Variants in CEACAM6 observed in about 807,000 individuals in gnomAD.
The protein encoded by CEACAM6 is cell adhesion molecule CEACAM6.
Under a neutral mutation model 32.4 loss-of-function variants are expected in CEACAM6, and 21 were observed. The observed-to-expected ratio is 0.65, with a 90% confidence interval of 0.46 to 0.93. The LOEUF is 0.93. CEACAM6 is among the 40% of genes least tolerant of loss of function. The pLI is 0.00. For missense variants in CEACAM6, 406 were observed against 432.2 expected (o/e 0.94, Z 0.54); for synonymous variants, 184 against 174.4 (o/e 1.06, Z -0.43).
At chr19:41,760,687 C>G (rs559412511) in intron 2 of CEACAM6, among the ~76,000 whole-genome samples, 1 of 152,168 alleles carries the variant, frequency 6.6e-6, no homozygotes, top group African/African-American at 2.4e-5. Context: ...GCCTGATGAC[C>G]GAACTGACCT....
At chr19:41,760,549 AG>A (rs1411636195) in intron 2 of CEACAM6, among the ~76,000 whole-genome samples, 1 of 152,212 alleles carries the variant, frequency 6.6e-6, no homozygotes, top group African/African-American at 2.4e-5. Context: ...AAATTCAGGC[AG>A]CTCCTGCCTG....
intron 3 of CEACAM6, 71 bp from the exon 4 acceptor site, chr19:41,761,898 C>T: frequency 6.4e-7 from 1 of 1,568,104 alleles, no homozygotes; most frequent in South Asian, 1.2e-5. Context: ...GACACCGTGG[C>T]CCTTCCACAG....
rs112209266 is a variant in CEACAM6 at position 41,760,084 on chromosome 19, A to T, written c.425-1165A>T. ...CGTAAGTGATACTCAATCCGTATGA[A>T]CTATAGGTACCAAGCTGTACAGCAA... On this transcript the variant is annotated intron_variant, in intron 2 of 5. Transcript: ENST00000199764. Among the ~76,000 whole-genome samples, 6 of 152,302 alleles carry T rather than the reference A, an allele frequency of 3.9e-5. 1 individual carries two copies. The highest frequency in any genetic ancestry group is 1.9e-4 in the East Asian group (1 of 5,176).
chr19:41,755,926 C>A (rs1555820957), intron 1 of CEACAM6, among the ~76,000 whole-genome samples: 1 of 152,088 alleles, frequency 6.6e-6, no homozygotes, highest in Admixed American at 6.6e-5. Flanking sequence ...AGTTAATCAT[C>A]ATTTGTCATT....
intron 3 of CEACAM6, 142 bp from the exon 4 acceptor site, chr19:41,761,827 T>A: frequency 9.0e-7 from 1 of 1,112,268 alleles, no homozygotes. Context: ...TCTCAGACTT[T>A]GGCTCAGGGG....
In CEACAM6 at chr19:41,766,178, A is replaced by T; in HGVS notation, c.959-5A>T. Reference sequence around the variant, plus strand: ...CCTTCATTCCTTCTCTCTTCTTCCCACAAGGAAGTGCTCCTGTCCTCTCAG... The same window carrying T: ...CCTTCATTCCTTCTCTCTTCTTCCCTCAAGGAAGTGCTCCTGTCCTCTCAG... On this transcript the variant is annotated splice_polypyrimidine_tract_variant and splice_region_variant and intron_variant, in intron 4 of 5. Transcript: ENST00000199764. The T allele has an allele frequency of 6.3e-7, 1 of 1,598,218 alleles. No homozygotes were observed. The highest frequency in any genetic ancestry group is 8.5e-7 in the Non-Finnish European group (1 of 1,172,726).
At chr19:41,759,939 T>A (rs970716481) in intron 2 of CEACAM6, among the ~76,000 whole-genome samples, 40 of 152,334 alleles carry the variant, frequency 2.6e-4, no homozygotes, top group African/African-American at 9.6e-4. Flanking sequence ...AAATGCTCAC[T>A]GGAGCATTTT....
At chr19:41,756,230 G>C (rs1317904894) in intron 1 of CEACAM6, among the ~76,000 whole-genome samples, 1 of 152,106 alleles carries the variant, frequency 6.6e-6, no homozygotes, top group Non-Finnish European at 1.5e-5. Flanking sequence ...CAAGAGCCCT[G>C]GAAGGAACAG....
rs2072998149 is a variant in CEACAM6 at position 41,772,139 on chromosome 19, T to C, written c.*1378T>C. 6.6e-6 allele frequency: 1 copy of C among 152,234 alleles called. No homozygotes were observed. The highest frequency in any genetic ancestry group is 2.4e-5 in the African/African-American group (1 of 41,464). 9.4% of individuals were successfully genotyped at this position (152,234 alleles called of 1,614,324 possible). A position where few individuals can be genotyped will look rare whatever the true frequency, so the allele number is the denominator to read the frequency against. ...GTATTGTATTGCCCAGGGGGAGCTA[T>C]CACTGTACTTGTAGAGTGGTGCTGC... On this transcript the variant is annotated 3_prime_UTR_variant, in exon 6 of 6. Coordinates refer to ENST00000199764, the MANE Select transcript of CEACAM6 (RefSeq NM_002483.7).
intron 4 of CEACAM6, among the ~76,000 whole-genome samples, chr19:41,762,788 G>A (rs1276871695): frequency 6.6e-6 from 1 of 152,174 alleles, no homozygotes; most frequent in Non-Finnish European, 1.5e-5. Context: ...CAGGGCATAT[G>A]GAGAAGGTGC....
chr19:41,760,312 A>G lies in CEACAM6; in HGVS notation c.425-937A>G, dbSNP rs61504717. 7.0e-3 allele frequency among the ~76,000 whole-genome samples: 1,070 copies of G among 152,308 alleles called. 7 individuals carry two copies. Among genetic ancestry groups the G allele is most frequent in the African/African-American group, 0.024 (994 of 41,564 alleles). ...ATTTAGCATAATGTCCAATGGGAGA[A>G]AATATTTGCAAAACTTCTCCTCAAA... On this transcript the variant is annotated intron_variant, in intron 2 of 5. Coordinates refer to ENST00000199764, the MANE Select transcript of CEACAM6 (RefSeq NM_002483.7).
intron 3 of CEACAM6, 147 bp from the exon 4 acceptor site, chr19:41,761,822 G>A: frequency 9.2e-7 from 1 of 1,089,822 alleles, no homozygotes; most frequent in African/African-American, 1.6e-5. Context: ...GAATGTCTCA[G>A]ACTTTGGCTC....
intron 5 of CEACAM6, among the ~76,000 whole-genome samples, chr19:41,769,133 C>T (rs1448919613): frequency 6.6e-6 from 1 of 151,894 alleles, no homozygotes; most frequent in Non-Finnish European, 1.5e-5. Context: ...TTAGTAGAGA[C>T]GGGGTTTCTC....
chr19:41,756,630 C>T lies in CEACAM6; in HGVS notation c.95C>T (p.Thr32Ile), dbSNP rs138171161. The change falls in exon 2 of 6, where the codon ACC becomes ATC. Residue 32 changes from threonine to isoleucine, a missense_variant. By Grantham distance (89) the Thr-to-Ile change is moderately conservative (BLOSUM62 -1). Coordinates refer to ENST00000199764, the MANE Select transcript of CEACAM6 (RefSeq NM_002483.7). ...ASLLTFWNPPTTAKLTIESTP... is the reference protein window; with the variant it reads ...ASLLTFWNPPITAKLTIESTP... ...CTTCTAACCTTCTGGAACCCACCCA[C>T]CACTGCCAAGCTCACTATTGAATCC... 354 of 1,613,958 alleles carry T rather than the reference C, an allele frequency of 2.2e-4. No individual in the cohort carries two copies. The highest frequency in any genetic ancestry group is 2.9e-4 in the Non-Finnish European group (348 of 1,179,990).
intron 4 of CEACAM6, among the ~76,000 whole-genome samples, chr19:41,762,853 T>TC (rs1555822062): frequency 2.0e-5 from 3 of 152,220 alleles, no homozygotes; most frequent in African/African-American, 7.2e-5. Flanking sequence ...CACCAAAGCC[T>TC]CCCCTGGATC....
At chr19:41,769,247 G>A (rs149879277) in intron 5 of CEACAM6, among the ~76,000 whole-genome samples, 4 of 152,154 alleles carry the variant, frequency 2.6e-5, no homozygotes, top group South Asian at 4.2e-4. Flanking sequence ...GCCCAGCCCC[G>A]ACAATTATTT....
chr19:41,756,519 C>T lies in CEACAM6; in HGVS notation c.65-81C>T, dbSNP rs1600494027. Reference sequence around the variant, plus strand: ...GCTCCAACGTGGAGGGGTGAAGAGACCTGCTCAGGACCCAGGGCCCTGTTT... The same window carrying T: ...GCTCCAACGTGGAGGGGTGAAGAGATCTGCTCAGGACCCAGGGCCCTGTTT... On this transcript the variant is annotated intron_variant, in intron 1 of 5. Coordinates refer to ENST00000199764, the MANE Select transcript of CEACAM6 (RefSeq NM_002483.7). 1.2e-5 allele frequency: 18 copies of T among 1,541,196 alleles called. No homozygotes were observed. In the East Asian group the frequency reaches 3.8e-4, roughly 33 times the overall value.
chr19:41,756,863 C>A lies in CEACAM6; in HGVS notation c.328C>A (p.Gln110Lys). The A allele has an allele frequency of 1.2e-6, 2 of 1,614,174 alleles. No homozygotes were observed. Among genetic ancestry groups the A allele is most frequent in the Non-Finnish European group, 1.7e-6 (2 of 1,180,026 alleles). Residue 110 changes from glutamine to lysine, a missense_variant, in exon 2 of 6, where the codon CAG becomes AAG. Transcript: ENST00000199764. ...ATACCCCAATGCATCCCTGCTGATC[C>A]AGAACGTCACCCAGAATGACACAGG... ...TIYPNASLLI[Q>K]NVTQNDTGFY...
At chr19:41,759,277 C>T (rs2072908573) in intron 2 of CEACAM6, among the ~76,000 whole-genome samples, 1 of 152,186 alleles carries the variant, frequency 6.6e-6, no homozygotes, top group Admixed American at 6.5e-5. Context: ...AGTGCACCAG[C>T]CACTGGAGTC....
Sources: allele counts gnomAD v4.1 joint callset (sites outside exome capture counted in the v4.1 genomes callset), GRCh38; gene constraint gnomAD v4.1.1; transcripts MANE v1.5; gene names NCBI Gene and HGNC (gene_info 2026-07-23, HGNC 2026-07-21).